LRRC4C: variants seen among roughly 807,000 people sequenced by gnomAD.
LRRC4C encodes leucine rich repeat containing 4C, also known as leucine-rich repeat-containing protein 4C.
A neutral mutation model predicts 33.6 loss-of-function variants in LRRC4C; 5 were observed. The ratio of observed to expected loss-of-function variants is 0.15; its 90% CI spans 0.08 to 0.31. The LOEUF (loss-of-function observed/expected upper bound fraction) is 0.31. Ranked by LOEUF, LRRC4C falls within the 10% of genes least tolerant of loss-of-function variation. The pLI is 1.00. For synonymous variants in LRRC4C, 329 were observed against 302.0 expected (o/e 1.09, Z -0.93); for missense variants, 560 against 796.7 (o/e 0.70, Z 3.58).
chr11:41,118,504 G>C (rs1205619550), intron 1 of LRRC4C, among the ~76,000 whole-genome samples: 1 of 152,096 alleles, frequency 6.6e-6, no homozygotes, highest in East Asian at 1.9e-4. Flanking sequence ...CTTAGGTTTG[G>C]TCACTGTCCA....
At chr11:41,030,424 A>G (rs1856649951) in intron 1 of LRRC4C, among the ~76,000 whole-genome samples, 1 of 151,798 alleles carries the variant, frequency 6.6e-6, no homozygotes, top group Admixed American at 6.6e-5. Flanking sequence ...ATAACCCTCA[A>G]TGACACCCTT....
chr11:41,373,191 C>A (rs1952816205), intron 1 of LRRC4C, among the ~76,000 whole-genome samples: 1 of 151,730 alleles, frequency 6.6e-6, no homozygotes, highest in Non-Finnish European at 1.5e-5. Context: ...ACAATGAATC[C>A]CCAGTTGAAT....
At chr11:40,660,212 T>A (rs1294178664) in intron 2 of LRRC4C, among the ~76,000 whole-genome samples, 3 of 152,226 alleles carry the variant, frequency 2.0e-5, no homozygotes, top group Non-Finnish European at 4.4e-5. Flanking sequence ...GCAGCTGGTG[T>A]GCCTGGCAGT....
At chr11:40,884,290 C>T (rs973680612) in intron 2 of LRRC4C, among the ~76,000 whole-genome samples, 11 of 152,222 alleles carry the variant, frequency 7.2e-5, no homozygotes, top group Admixed American at 1.3e-4. Context: ...ATATGTGCTA[C>T]ATTTTCTTTA....
intron 1 of LRRC4C, among the ~76,000 whole-genome samples, chr11:41,094,595 GCTAT>G (rs1462741824): frequency 1.3e-5 from 2 of 152,060 alleles, no homozygotes; most frequent in Non-Finnish European, 2.9e-5. Flanking sequence ...TGTGTGAATA[GCTAT>G]CTATTAACCC....
At chr11:41,322,793 C>G (rs1315493133) in intron 1 of LRRC4C, among the ~76,000 whole-genome samples, 1 of 152,094 alleles carries the variant, frequency 6.6e-6, no homozygotes, top group Non-Finnish European at 1.5e-5. Flanking sequence ...GGAAAAGGTT[C>G]AGGAGGCACC....
At chr11:41,331,541 T>C (rs1012255312) in intron 1 of LRRC4C, among the ~76,000 whole-genome samples, 2 of 152,180 alleles carry the variant, frequency 1.3e-5, no homozygotes, top group African/African-American at 4.8e-5. Context: ...CTCCCTTCAC[T>C]CACTCTGCTC....
intron 4 of LRRC4C, among the ~76,000 whole-genome samples, chr11:40,305,990 G>A (rs1460289759): frequency 1.3e-5 from 2 of 152,046 alleles, no homozygotes; most frequent in Admixed American, 1.3e-4. Flanking sequence ...GTTGTTTTTT[G>A]GCTCTCCCTT....
At chr11:40,362,458 A>G (rs1948000296) in intron 3 of LRRC4C, among the ~76,000 whole-genome samples, 1 of 152,170 alleles carries the variant, frequency 6.6e-6, no homozygotes, top group Non-Finnish European at 1.5e-5. Context: ...AGTGGCTCAC[A>G]TCTGTAATCC....
chr11:40,660,837 C>A (rs139621245), intron 2 of LRRC4C, among the ~76,000 whole-genome samples: 2 of 152,038 alleles, frequency 1.3e-5, no homozygotes, highest in East Asian at 3.9e-4. Flanking sequence ...TAATTTATAA[C>A]GAAAGCTAAA....
intron 1 of LRRC4C, among the ~76,000 whole-genome samples, chr11:41,167,816 T>C (rs1172495234): frequency 1.3e-5 from 2 of 152,140 alleles, no homozygotes; most frequent in African/African-American, 4.8e-5. Flanking sequence ...GCATAATGAA[T>C]AGTAAAATTG....
chr11:40,247,942 G>A (rs1042275331), intron 4 of LRRC4C, among the ~76,000 whole-genome samples: 8 of 152,144 alleles, frequency 5.3e-5, no homozygotes, highest in African/African-American at 1.9e-4. Flanking sequence ...TCTTCTCTAA[G>A]GAGGTTTTAT....
At chr11:40,788,807 T>C (rs141074938) in intron 2 of LRRC4C, among the ~76,000 whole-genome samples, 8 of 152,154 alleles carry the variant, frequency 5.3e-5, no homozygotes, top group African/African-American at 1.9e-4. Context: ...AAAAAATGCA[T>C]ATTAGGCCGG....
chr11:41,344,223 TTTC>T (rs1951729269), intron 1 of LRRC4C, among the ~76,000 whole-genome samples: 4 of 130,914 alleles, frequency 3.1e-5, no homozygotes, highest in Non-Finnish European at 6.8e-5. Flanking sequence ...CTGTGAAGCC[TTTC>T]TTTTTTTTTT....
chr11:40,588,346 G>A (rs1016376412), intron 3 of LRRC4C, among the ~76,000 whole-genome samples: 62 of 152,094 alleles, frequency 4.1e-4, no homozygotes, highest in African/African-American at 1.2e-3. Context: ...TTTTTATTGC[G>A]TCTATTTGAT....
At chr11:40,197,267 C>A (rs1318466463) in intron 5 of LRRC4C, among the ~76,000 whole-genome samples, 1 of 152,086 alleles carries the variant, frequency 6.6e-6, no homozygotes, top group Non-Finnish European at 1.5e-5. Flanking sequence ...AGATTAGCCT[C>A]CTTCATTTAC....
At chr11:41,155,398 C>G (rs561532959) in intron 1 of LRRC4C, among the ~76,000 whole-genome samples, 2 of 152,244 alleles carry the variant, frequency 1.3e-5, no homozygotes, top group African/African-American at 4.8e-5. Context: ...AAGTTCATTG[C>G]ACAGTAAGCA....
rs145034796 is a variant in LRRC4C at position 40,797,425 on chromosome 11, A to G, written c.-407+136210T>C. On this transcript the variant is annotated intron_variant, in intron 2 of 6. Transcript: ENST00000528697. ...TAGTTGGAGATGTACAGTTTTGGAA[A>G]TCATAGGGATTTGGGTCAAAAATGA... Among the ~76,000 whole-genome samples the G allele has an allele frequency of 4.2e-3, 647 of 152,314 alleles. 5 individuals carry two copies. Among genetic ancestry groups the G allele is most frequent in the African/African-American group, 0.015 (612 of 41,560 alleles).
intron 1 of LRRC4C, among the ~76,000 whole-genome samples, chr11:41,175,386 T>G (rs1479037102): frequency 6.6e-6 from 1 of 152,052 alleles, no homozygotes; most frequent in Non-Finnish European, 1.5e-5. Flanking sequence ...CTTAAACAAA[T>G]AAAATAACAT....
Sources: gnomAD v4.1 joint callset for allele counts (sites outside exome capture counted in the v4.1 genomes callset) on GRCh38, gnomAD v4.1.1 for gene constraint, MANE v1.5 for transcripts, NCBI Gene and HGNC (gene_info 2026-07-23, HGNC 2026-07-21) for gene names.